Variants in RIPOR1 observed in about 807,000 individuals in gnomAD.
RIPOR1 encodes the protein rho family-interacting cell polarization regulator 1.
In RIPOR1, 58 loss-of-function variants were observed where a neutral mutation model predicts 116.5. The observed-to-expected ratio is 0.50, with a 90% CI of 0.40 to 0.62. RIPOR1 has a LOEUF of 0.62. RIPOR1 is among the 20% of genes least tolerant of loss of function. The pLI is 0.00. For synonymous variants in RIPOR1, 605 were observed against 650.0 expected (o/e 0.93, Z 1.05); for missense variants, 1,372 against 1,586.2 (o/e 0.86, Z 2.29).
intron 4 of RIPOR1, 63 bp from the exon 5 acceptor site, chr16:67,539,665 G>A (rs1174600156): frequency 2.5e-6 from 4 of 1,593,854 alleles, no homozygotes; most frequent in Non-Finnish European, 3.4e-6. Flanking sequence ...ACGAGTCTGA[G>A]TGCCTCTGCT....
intron 1 of RIPOR1, among the ~76,000 whole-genome samples, chr16:67,534,040 G>A (rs1421415597): frequency 2.2e-5 from 3 of 138,746 alleles, no homozygotes; most frequent in African/African-American, 5.5e-5. Flanking sequence ...GGCTGGTCTC[G>A]AACTCCTTAC....
At chr16:67,535,989 G>A (rs1235671698) in intron 1 of RIPOR1, among the ~76,000 whole-genome samples, 1 of 152,174 alleles carries the variant, frequency 6.6e-6, no homozygotes, top group Non-Finnish European at 1.5e-5. Flanking sequence ...GCAGACCCCT[G>A]GGCCCAACCC....
In RIPOR1 at chr16:67,543,165, A is replaced by T. The variant is rs911887718; in HGVS notation, c.2379A>T (p.Ala793=). 1 of 1,538,140 alleles carries T rather than the reference A, an allele frequency of 6.5e-7. No homozygotes were observed. Among genetic ancestry groups the T allele is most frequent in the African/African-American group, 1.4e-5 (1 of 72,694 alleles). The change falls in exon 13 of 22, where the codon GCA becomes GCT. Residue 793 remains alanine (A), a synonymous_variant. Coordinates refer to ENST00000042381, the MANE Select transcript of RIPOR1 (RefSeq NM_024519.4). The surrounding 1 kb of genome is among the most constrained non-coding windows in gnomAD (Gnocchi z 4.7). ...GGSGDRSLEE[A]LGALMAALDD... ...CTGGGGACAGGAGCCTGGAGGAGGC[A>T]CTGGGGGCCCTAATGGCTGCCCTGG...
At chr16:67,527,328 T>G (rs1489893476), upstream of RIPOR1, among the ~76,000 whole-genome samples, 1 of 150,916 alleles carries the variant, frequency 6.6e-6, no homozygotes, top group East Asian at 2.0e-4. Context: ...GAGGTTGCAG[T>G]GAGCCGAGAT....
In RIPOR1 at chr16:67,542,525, C is replaced by T. The variant is rs1405465212; in HGVS notation, c.1739C>T (p.Ser580Phe). 6.2e-7 allele frequency: 1 copy of T among 1,613,946 alleles called. No individual in the cohort carries two copies. Among genetic ancestry groups the T allele is most frequent in the Admixed American group, 1.7e-5 (1 of 59,998 alleles). ...GGCTCCACCCACAAGCCCATAATCT[C>T]TACCCTTACTACTACAGGCCCTACC... ...TTGSTHKPII[S>F]TLTTTGPTLN... The change falls in exon 13 of 22, where the codon TCT becomes TTT. Residue 580 changes from serine (S) to phenylalanine (F), a missense_variant. This residue lies in a region of RIPOR1 where 1,005 missense variants were observed against 1,144.7 expected (regional missense o/e 0.88). Transcript: ENST00000042381. The surrounding 1 kb of genome is among the most constrained non-coding windows in gnomAD (Gnocchi z 4.6).
rs772054482 is a variant in RIPOR1 at position 67,540,354 on chromosome 16, C to T, written c.622C>T (p.Arg208Ter). The T allele has an allele frequency of 1.9e-6, 3 of 1,614,076 alleles. No individual in the cohort carries two copies. Among genetic ancestry groups the T allele is most frequent in the South Asian group, 1.1e-5 (1 of 91,084 alleles). The change falls in exon 8 of 22, where the codon CGA becomes TGA. Residue 208 changes from arginine (R) to a stop codon, truncating the protein, a stop_gained. Coordinates refer to ENST00000042381, the MANE Select transcript of RIPOR1 (RefSeq NM_024519.4). LOFTEE classifies it high-confidence loss of function. This position sits in a 1 kb window ranked among gnomAD's most constrained non-coding sequence, Gnocchi z 4.7. ...GGCACAGCTGGGCGAGTTTCATCTC[C>T]GAATGAAAGGTACTGAGTTGTGGGG... ...LEAQLGEFHL[R>*]MKGLAGFARL...
At position 67,540,595 on chromosome 16, in the gene RIPOR1, G is replaced by C. The variant is rs1306227380; in HGVS notation, c.692G>C (p.Gly231Ala). The change falls in exon 10 of 22, where the codon GGG (glycine) becomes GCG (alanine). Residue 231 changes from glycine (G) to alanine (A), a missense_variant. Gly to Ala is a moderately conservative substitution (Grantham distance 60). Transcript: ENST00000042381. This position sits in a 1 kb window ranked among gnomAD's most constrained non-coding sequence, Gnocchi z 4.7. ...TTCCCCCAGATCTGCATGAAATATG[G>C]GCGTCAGCGCTGGAAACTACGGGGC... is the stretch of plus-strand genomic sequence containing the variant. ...GDQYEICMKY[G>A]RQRWKLRGRI... The C allele has an allele frequency of 6.2e-7, 1 of 1,613,858 alleles. No individual in the cohort carries two copies. Among genetic ancestry groups the C allele is most frequent in the African/African-American group, 1.3e-5 (1 of 74,898 alleles).
upstream of RIPOR1, among the ~76,000 whole-genome samples, chr16:67,525,433 G>A (rs118161478): frequency 0.039 from 5,872 of 152,226 alleles, 164 homozygotes; most frequent in Non-Finnish European, 0.062. Flanking sequence ...ACAGTCCAGG[G>A]CAAGCTTCTA....
rs367826414 is a variant in RIPOR1 at position 67,543,278 on chromosome 16, G to A, written c.2478+14G>A. On this transcript the variant is annotated intron_variant, in intron 13 of 21. Coordinates refer to ENST00000042381, the MANE Select transcript of RIPOR1 (RefSeq NM_024519.4). The surrounding 1 kb of genome is among the most constrained non-coding windows in gnomAD (Gnocchi z 4.7). ...AGTCTGCTCATGGTGAGGAGGGCTG[G>A]GCTGGGCTAGGGCAACCAGGGAGGG... 475 of 1,602,986 alleles carry A rather than the reference G, an allele frequency of 3.0e-4. No homozygotes were observed. The highest frequency in any genetic ancestry group is 3.7e-4 in the Non-Finnish European group (431 of 1,175,516).
chr16:67,537,733 G>A lies in RIPOR1; in HGVS notation c.-23-691G>A, dbSNP rs1364564455. ...AGGAGCTCTCCCCGCCGATGCCGGGGTGGAGGCGCACGTCCGTGACTCAGT... is the reference window on the plus strand; with the variant it reads ...AGGAGCTCTCCCCGCCGATGCCGGGATGGAGGCGCACGTCCGTGACTCAGT... On this transcript the variant is annotated intron_variant, in intron 1 of 21. Transcript: ENST00000042381. This position sits in a 1 kb window ranked among gnomAD's most constrained non-coding sequence, Gnocchi z 4.6. 3 of 510,112 alleles carry A rather than the reference G, an allele frequency of 5.9e-6. No individual in the cohort carries two copies. Among genetic ancestry groups the A allele is most frequent in the Non-Finnish European group, 6.2e-6 (2 of 320,856 alleles). 31.6% of individuals were successfully genotyped at this position (510,112 alleles called of 1,614,324 possible).
intron 1 of RIPOR1, among the ~76,000 whole-genome samples, chr16:67,521,276 T>C (rs2050492784): frequency 6.6e-6 from 1 of 152,190 alleles, no homozygotes. Flanking sequence ...CCAACTTTAC[T>C]TCTTAGGAGC....
Position 67,529,999 on chromosome 16 carries a change from C to T in RIPOR1, c.-24+1085C>T. On this transcript the variant is annotated intron_variant, in intron 1 of 21. Transcript: ENST00000042381. This position sits in a 1 kb window ranked among gnomAD's most constrained non-coding sequence, Gnocchi z 4.1. ...ATTGGGGGCTGAGGTACAAAATACT[C>T]CAGCGGGACAAGGAGGACTGGCATA... The T allele has an allele frequency of 2.9e-6, 2 of 688,028 alleles. No homozygotes were observed. Among genetic ancestry groups the T allele is most frequent in the Non-Finnish European group, 5.2e-6 (2 of 383,624 alleles). The allele number at this position is 688,028 out of a possible 1,614,324, so 42.6% of individuals were successfully genotyped here.
rs2051177134 is a variant in RIPOR1 at position 67,546,566 on chromosome 16, C to T, written c.*103C>T. On this transcript the variant is annotated 3_prime_UTR_variant, in exon 22 of 22. Transcript: ENST00000042381. ...GCTGGCTCCAGATACCCCTCCCCCA[C>T]AGATTCCTAGCAATGAAAATCTAAT... 2 of 848,994 alleles carry T rather than the reference C, an allele frequency of 2.4e-6. No individual in the cohort carries two copies. Among genetic ancestry groups the T allele is most frequent in the African/African-American group, 1.7e-5 (1 of 58,826 alleles). 52.6% of individuals were successfully genotyped at this position (848,994 alleles called of 1,614,324 possible). A position where few individuals can be genotyped will look rare whatever the true frequency, so the allele number is the denominator to read the frequency against.
At position 67,540,259 on chromosome 16, in the gene RIPOR1, C is replaced by G; in HGVS notation, c.568-41C>G. The G allele has an allele frequency of 6.2e-7, 1 of 1,613,636 alleles. No individual in the cohort carries two copies. Among genetic ancestry groups the G allele is most frequent in the Non-Finnish European group, 8.5e-7 (1 of 1,179,778 alleles). Reference sequence around the variant, plus strand: ...GCACAGGGTGTGGCAGGGCTAGTGGCTGGCCCTTGACCCCCTCCTGTCCCT... The same window carrying G: ...GCACAGGGTGTGGCAGGGCTAGTGGGTGGCCCTTGACCCCCTCCTGTCCCT... On this transcript the variant is annotated intron_variant, in intron 7 of 21. Transcript: ENST00000042381. The surrounding 1 kb of genome is among the most constrained non-coding windows in gnomAD (Gnocchi z 4.7).
At position 67,541,623 on chromosome 16, in the gene RIPOR1, G is replaced by A; in HGVS notation, c.951-30G>A. The A allele has an allele frequency of 6.2e-7, 1 of 1,613,950 alleles. No homozygotes were observed. The highest frequency in any genetic ancestry group is 8.5e-7 in the Non-Finnish European group (1 of 1,179,900). Reference sequence around the variant, plus strand: ...TTGGAGGAGGGCCAGGAGGGCTGTGGCACCTGCCAACAGCCTCTTCCCTTC... The same window carrying A: ...TTGGAGGAGGGCCAGGAGGGCTGTGACACCTGCCAACAGCCTCTTCCCTTC... On this transcript the variant is annotated intron_variant, in intron 11 of 21. Coordinates refer to ENST00000042381, the MANE Select transcript of RIPOR1 (RefSeq NM_024519.4). This position sits in a 1 kb window ranked among gnomAD's most constrained non-coding sequence, Gnocchi z 4.6.
At chr16:67,536,257 G>C (rs944789072) in intron 1 of RIPOR1, among the ~76,000 whole-genome samples, 1 of 152,186 alleles carries the variant, frequency 6.6e-6, no homozygotes, top group African/African-American at 2.4e-5. Context: ...AGACCAGCCT[G>C]GCCAACATGG....
At chr16:67,522,557 G>T (rs1027195476) in intron 1 of RIPOR1, among the ~76,000 whole-genome samples, 1 of 151,868 alleles carries the variant, frequency 6.6e-6, no homozygotes. Context: ...GGATGGTCTC[G>T]ATCTCTTGAC....
Position 67,543,338 on chromosome 16 carries a change from A to G in RIPOR1, c.2479-10A>G, listed in dbSNP as rs1429571242. 6 of 1,608,500 alleles carry G rather than the reference A, an allele frequency of 3.7e-6. 1 individual carries two copies. The South Asian group carries it at 6.7e-5, about 18-fold the overall frequency. On this transcript the variant is annotated splice_polypyrimidine_tract_variant and intron_variant, in intron 13 of 21. Coordinates refer to ENST00000042381, the MANE Select transcript of RIPOR1 (RefSeq NM_024519.4). The surrounding 1 kb of genome is among the most constrained non-coding windows in gnomAD (Gnocchi z 4.7). ...GGCGGCAGCCGCTCTGATGCCCTTCACAACCTCAGCAGAGACAAGGTCTGA... is the reference window on the plus strand; with the variant it reads ...GGCGGCAGCCGCTCTGATGCCCTTCGCAACCTCAGCAGAGACAAGGTCTGA...
intron 1 of RIPOR1, among the ~76,000 whole-genome samples, chr16:67,521,252 G>T (rs967574525): frequency 6.6e-6 from 1 of 152,284 alleles, no homozygotes; most frequent in African/African-American, 2.4e-5. Context: ...CTTCCCAGAC[G>T]GTGGCGCCAA....
Sources: allele counts gnomAD v4.1 joint callset (sites outside exome capture counted in the v4.1 genomes callset), GRCh38; gene constraint gnomAD v4.1.1; regional missense constraint gnomAD v4.1.1; non-coding constraint Gnocchi (gnomAD v3.1); transcripts MANE v1.5; gene names NCBI Gene and HGNC (gene_info 2026-07-23, HGNC 2026-07-21).